PRDM16: variants seen among roughly 807,000 people sequenced by gnomAD.
PRDM16 encodes the protein PR/SET domain 16.
PRDM16 carries 23 observed loss-of-function variants against 110.6 expected under a neutral mutation model. The ratio of observed to expected loss-of-function variants is 0.21; its 90% CI spans 0.15 to 0.29. PRDM16 has a LOEUF of 0.29. PRDM16 is among the 10% of genes least tolerant of loss of function. The pLI is 1.00. For synonymous variants in PRDM16, 799 were observed against 781.8 expected, an observed-to-expected ratio of 1.02 and a Z score of -0.37; for missense variants, 1,615 against 1,794.3, an observed-to-expected ratio of 0.90 and a Z score of 1.81.
chr1:3,377,759 G>A (rs775167915), intron 3 of PRDM16, among the ~76,000 whole-genome samples: 15 of 152,222 alleles, frequency 9.9e-5, no homozygotes, highest in Admixed American at 2.0e-4. Context: ...AAAGCCGGCC[G>A]TGTGGAGACG....
chr1:3,192,434 A>G (rs151127953), intron 2 of PRDM16, among the ~76,000 whole-genome samples: 1 of 152,288 alleles, frequency 6.6e-6, no homozygotes, highest in Non-Finnish European at 1.5e-5. Context: ...CAGCCCCTAC[A>G]TCCAGACCTC....
At chr1:3,236,740 T>A (rs894101742) in intron 2 of PRDM16, among the ~76,000 whole-genome samples, 1 of 152,220 alleles carries the variant, frequency 6.6e-6, no homozygotes. Flanking sequence ...GGGTTAGCAC[T>A]CCCCTGCTGT....
intron 1 of PRDM16, among the ~76,000 whole-genome samples, chr1:3,145,971 C>T (rs574297489): frequency 3.3e-5 from 5 of 152,330 alleles, no homozygotes; most frequent in East Asian, 1.9e-4. Context: ...GTGTGAGCAG[C>T]GCCTCGGGAC....
chr1:3,265,082 G>A lies in PRDM16; in HGVS notation c.438+20945G>A, dbSNP rs1640256169. ...TCTCTGACCCAGGGCCCAGGAGGGA[G>A]GGGAGACCAGCAGGGAGGCGGGAGG... is the stretch of plus-strand genomic sequence containing the variant. On this transcript the variant is annotated intron_variant, in intron 3 of 16. Coordinates refer to ENST00000270722, the MANE Select transcript of PRDM16 (RefSeq NM_022114.4). This position sits in a 1 kb window ranked among gnomAD's most constrained non-coding sequence, Gnocchi z 4.5. Among the ~76,000 whole-genome samples the A allele has an allele frequency of 6.6e-6, 1 of 152,104 alleles. No homozygotes were observed. Among genetic ancestry groups the A allele is most frequent in the South Asian group, 2.1e-4 (1 of 4,824 alleles).
chr1:3,298,027 C>G (rs1641127671), intron 3 of PRDM16, among the ~76,000 whole-genome samples: 1 of 142,116 alleles, frequency 7.0e-6, no homozygotes, highest in African/African-American at 3.1e-5. Context: ...CAGCACGTCA[C>G]CCAAGGTACA....
chr1:3,292,160 G>A (rs933163943), intron 3 of PRDM16, among the ~76,000 whole-genome samples: 3 of 152,236 alleles, frequency 2.0e-5, no homozygotes, highest in African/African-American at 4.8e-5. Context: ...GGCACGTGAC[G>A]GATTTATTGA....
chr1:3,196,935 G>A (rs1371221158), intron 2 of PRDM16, among the ~76,000 whole-genome samples: 2 of 152,206 alleles, frequency 1.3e-5, no homozygotes, highest in Non-Finnish European at 2.9e-5. Flanking sequence ...CGAAGAGGCG[G>A]GTGCCTGGGT....
intron 1 of PRDM16, among the ~76,000 whole-genome samples, chr1:3,151,314 T>C (rs1323573590): frequency 3.3e-5 from 5 of 152,210 alleles, no homozygotes; most frequent in Non-Finnish European, 7.3e-5. Context: ...AGGGTCCTTT[T>C]CGGGGGCTCT....
At chr1:3,259,012 G>C (rs1240447952) in intron 3 of PRDM16, among the ~76,000 whole-genome samples, 1 of 152,236 alleles carries the variant, frequency 6.6e-6, no homozygotes, top group African/African-American at 2.4e-5. Context: ...TTCTGTTTTG[G>C]ACGAGAAATG....
At chr1:3,181,746 T>A in intron 1 of PRDM16, among the ~76,000 whole-genome samples, 1 of 145,108 alleles carries the variant, frequency 6.9e-6, no homozygotes. Context: ...ACACACGGAG[T>A]CTTACACACG....
chr1:3,430,933 G>A lies in PRDM16; in HGVS notation c.3346G>A (p.Glu1116Lys), dbSNP rs1159811184. The A allele has an allele frequency of 3.7e-6, 6 of 1,614,156 alleles. No individual in the cohort carries two copies. Among genetic ancestry groups the A allele is most frequent in the South Asian group, 2.2e-5 (2 of 91,076 alleles). ...TCCAGGCCTAGCCAGTGAGAAGCAG[G>A]AGGACGTGGAGGAGGAGGACGACGA... ...QCPGLASEKQEDVEEEDDDDL... is the reference protein window; with the variant it reads ...QCPGLASEKQKDVEEEDDDDL... Residue 1116 changes from glutamate to lysine, a missense_variant, in exon 15 of 17, where the codon GAG (glutamate) becomes AAG (lysine). By Grantham distance (56) the Glu-to-Lys change is moderately conservative (BLOSUM62 1). This residue lies in a region of PRDM16 where 327 missense variants were observed against 359.3 expected (regional missense o/e 0.91). Transcript: ENST00000270722.
chr1:3,079,530 G>T (rs557933363), intron 1 of PRDM16, among the ~76,000 whole-genome samples: 3 of 152,300 alleles, frequency 2.0e-5, no homozygotes, highest in South Asian at 2.1e-4. Context: ...GCAGCAAGCC[G>T]CATGGAGCGG....
At chr1:3,106,917 G>A (rs772732678) in intron 1 of PRDM16, among the ~76,000 whole-genome samples, 4 of 152,186 alleles carry the variant, frequency 2.6e-5, no homozygotes, top group African/African-American at 4.8e-5. Flanking sequence ...CAGCGCCTGG[G>A]GCCAACAGAG....
At chr1:3,360,952 G>A (rs889073379) in intron 3 of PRDM16, among the ~76,000 whole-genome samples, 1 of 152,240 alleles carries the variant, frequency 6.6e-6, no homozygotes, top group Non-Finnish European at 1.5e-5. Context: ...GAACGAGGCA[G>A]GTGGCTGGCG....
chr1:3,406,030 G>A lies in PRDM16; in HGVS notation c.1186+382G>A, dbSNP rs1310503925. 2.4e-4 allele frequency among the ~76,000 whole-genome samples: 36 copies of A among 152,338 alleles called. No individual in the cohort carries two copies. The East Asian group carries it at 7.0e-3, about 29-fold the overall frequency. On this transcript the variant is annotated intron_variant, in intron 8 of 16. Transcript: ENST00000270722. Reference sequence around the variant, plus strand: ...CCTGTGCCGAGCTCCAGAAGGGCGTGCTTCTGTGCTGCCCTGCACGTGACA... The same window carrying A: ...CCTGTGCCGAGCTCCAGAAGGGCGTACTTCTGTGCTGCCCTGCACGTGACA...
chr1:3,163,445 C>A (rs1456304389), intron 1 of PRDM16, among the ~76,000 whole-genome samples: 1 of 152,198 alleles, frequency 6.6e-6, no homozygotes, highest in Admixed American at 6.5e-5. Context: ...CCTGAGTGAG[C>A]ACCTCTGACG....
chr1:3,412,771 C>G lies in PRDM16; in HGVS notation c.2574C>G (p.Pro858=). Residue 858 remains proline, a synonymous_variant, in exon 9 of 17, where the codon CCC becomes CCG. Coordinates refer to ENST00000270722, the MANE Select transcript of PRDM16 (RefSeq NM_022114.4). ...PQQPPLHYAK[P]SPFFMDPIYS... ...AGCCCCCGCTCCACTACGCCAAGCC[C>G]TCGCCCTTCTTCATGGACCCCATCT... The G allele has an allele frequency of 6.7e-7, 1 of 1,486,380 alleles. No homozygotes were observed. Among genetic ancestry groups the G allele is most frequent in the Admixed American group, 2.4e-5 (1 of 42,078 alleles). The allele number at this position is 1,486,380 out of a possible 1,614,324, so 92.1% of individuals were successfully genotyped here.
intron 3 of PRDM16, chr1:3,309,055 C>T (rs1557596758): frequency 6.6e-6 from 1 of 152,220 alleles, no homozygotes; most frequent in Non-Finnish European, 1.5e-5. Context: ...GCCCTAGCCC[C>T]TGGTATCCCC....
At chr1:3,315,332 G>C (rs1177221555) in intron 3 of PRDM16, among the ~76,000 whole-genome samples, 3 of 152,142 alleles carry the variant, frequency 2.0e-5, no homozygotes, top group Non-Finnish European at 4.4e-5. Context: ...TTCAGGAAGA[G>C]GGGCAAATCC....
Sources: gnomAD v4.1 joint callset for allele counts (sites outside exome capture counted in the v4.1 genomes callset) on GRCh38, gnomAD v4.1.1 for gene constraint, gnomAD v4.1.1 regional missense constraint, Gnocchi (gnomAD v3.1) non-coding constraint, MANE v1.5 for transcripts, NCBI Gene and HGNC (gene_info 2026-07-23, HGNC 2026-07-21) for gene names.